The following DENND1A variants were observed in gnomAD, a reference collection of about 807,000 sequenced individuals.
DENND1A encodes DENN domain-containing protein 1A.
In DENND1A, 51 loss-of-function variants were observed where a neutral mutation model predicts 113.7. That is an observed-to-expected ratio of 0.45 (90% CI 0.36 to 0.57). The LOEUF is 0.57. DENND1A is among the 20% of genes least tolerant of loss of function. DENND1A has a pLI of 0.00. For missense variants in DENND1A, 1,258 were observed against 1,395.9 expected, an observed-to-expected ratio of 0.90 and a Z score of 1.57; for synonymous variants, 565 against 570.8, an observed-to-expected ratio of 0.99 and a Z score of 0.14.
At chr9:123,782,756 C>G (rs529479409) in intron 3 of DENND1A, among the ~76,000 whole-genome samples, 2 of 152,330 alleles carry the variant, frequency 1.3e-5, no homozygotes, top group Admixed American at 6.5e-5. Context: ...GATAAAAGCA[C>G]TGTGAAACAA....
chr9:123,739,012 G>A (rs966582594), intron 5 of DENND1A, among the ~76,000 whole-genome samples: 3 of 152,120 alleles, frequency 2.0e-5, no homozygotes, highest in Non-Finnish European at 2.9e-5. Context: ...AAAACCTTTC[G>A]TGTGGCTTTT....
At chr9:123,748,243 C>T (rs1473705051) in intron 5 of DENND1A, among the ~76,000 whole-genome samples, 2 of 152,186 alleles carry the variant, frequency 1.3e-5, no homozygotes, top group African/African-American at 4.8e-5. Flanking sequence ...ACAGCACCAT[C>T]CCAATTCAGG....
chr9:123,414,911 A>AT (rs1325269242), intron 19 of DENND1A, among the ~76,000 whole-genome samples: 1 of 152,200 alleles, frequency 6.6e-6, no homozygotes, highest in African/African-American at 2.4e-5. Flanking sequence ...TTGATACCTA[A>AT]TAGGTGCTCA....
In DENND1A at chr9:123,638,833, C is replaced by A. The variant is rs78774425; in HGVS notation, c.619-8357G>T. Among the ~76,000 whole-genome samples the A allele has an allele frequency of 3.2e-3, 491 of 151,732 alleles. 4 individuals carry two copies. Among genetic ancestry groups the A allele is most frequent in the African/African-American group, 0.011 (473 of 41,372 alleles). ...ATCGATTTGCCACCTCAAATCTAGT[C>A]TAAGTGGATATTTCTATTTCTTTGA... is the stretch of plus-strand genomic sequence containing the variant. On this transcript the variant is annotated intron_variant, in intron 9 of 23. Transcript: ENST00000394215.
chr9:123,838,506 G>A (rs1369499922), intron 2 of DENND1A, among the ~76,000 whole-genome samples: 1 of 152,098 alleles, frequency 6.6e-6, no homozygotes, highest in Non-Finnish European at 1.5e-5. Flanking sequence ...TGCAGAATCT[G>A]CTAGTGCTTT....
intron 12 of DENND1A, among the ~76,000 whole-genome samples, chr9:123,580,565 C>A (rs757596968): frequency 4.6e-5 from 7 of 152,218 alleles, no homozygotes; most frequent in Non-Finnish European, 8.8e-5. Context: ...TCATGCTGCC[C>A]CAGGGCCCTT....
chr9:123,408,368 C>A (rs892871419), intron 20 of DENND1A, among the ~76,000 whole-genome samples: 3 of 152,166 alleles, frequency 2.0e-5, no homozygotes, highest in African/African-American at 7.2e-5. Context: ...TCTATGACTC[C>A]CAAATTGGCC....
At chr9:123,667,129 T>A in intron 7 of DENND1A, 50 bp from the exon 8 acceptor site, 1 of 1,525,728 alleles carries the variant, frequency 6.6e-7, no homozygotes, top group Non-Finnish European at 8.9e-7. Flanking sequence ...TGTGTAACAA[T>A]TGCATTACTC....
intron 7 of DENND1A, among the ~76,000 whole-genome samples, chr9:123,669,443 C>G (rs1172092282): frequency 6.6e-6 from 1 of 152,170 alleles, no homozygotes; most frequent in Non-Finnish European, 1.5e-5. Context: ...ATGCTGGGGA[C>G]CAGGGGAGGT....
intron 5 of DENND1A, among the ~76,000 whole-genome samples, chr9:123,719,266 A>T (rs1271100910): frequency 6.6e-6 from 1 of 152,214 alleles, no homozygotes; most frequent in Non-Finnish European, 1.5e-5. Flanking sequence ...CTCCCATTTG[A>T]TAAGCTAAGG....
At chr9:123,440,535 C>A in intron 18 of DENND1A, 44 bp from the exon 19 acceptor site, 3 of 1,516,864 alleles carry the variant, frequency 2.0e-6, no homozygotes, top group Non-Finnish European at 2.6e-6. Context: ...GGGGTTCTGG[C>A]ACCCATGTTC....
intron 13 of DENND1A, among the ~76,000 whole-genome samples, chr9:123,530,267 T>C (rs368886063): frequency 6.6e-6 from 1 of 151,992 alleles, no homozygotes; most frequent in East Asian, 1.9e-4. Flanking sequence ...CAGGGTAAAA[T>C]CACAGAATAT....
chr9:123,606,936 G>A (rs2060180121), intron 11 of DENND1A, among the ~76,000 whole-genome samples: 1 of 152,228 alleles, frequency 6.6e-6, no homozygotes, highest in Admixed American at 6.5e-5. Context: ...GAAGGGCAGG[G>A]CTGATGCATG....
At chr9:123,822,071 T>A (rs1158979344) in intron 2 of DENND1A, among the ~76,000 whole-genome samples, 2 of 152,240 alleles carry the variant, frequency 1.3e-5, no homozygotes, top group Non-Finnish European at 2.9e-5. Context: ...TATTATTGTC[T>A]TAATCCTTAG....
intron 11 of DENND1A, among the ~76,000 whole-genome samples, chr9:123,608,819 T>C (rs1471289233): frequency 1.3e-5 from 2 of 152,178 alleles, no homozygotes; most frequent in Non-Finnish European, 2.9e-5. Flanking sequence ...TATATCCAAA[T>C]AGTGGGAATG....
At chr9:123,569,993 T>C (rs1462709626) in intron 12 of DENND1A, among the ~76,000 whole-genome samples, 1 of 152,158 alleles carries the variant, frequency 6.6e-6, no homozygotes, top group Non-Finnish European at 1.5e-5. Flanking sequence ...TCCTGTCTAT[T>C]TGGGTCTCAT....
intron 2 of DENND1A, among the ~76,000 whole-genome samples, chr9:123,814,726 AC>A (rs1363622470): frequency 1.3e-5 from 2 of 152,204 alleles, no homozygotes; most frequent in African/African-American, 4.8e-5. Context: ...TGCTAAAAAA[AC>A]ATTACTCTCC....
chr9:123,721,521 T>A (rs968838139), intron 5 of DENND1A, among the ~76,000 whole-genome samples: 1 of 152,238 alleles, frequency 6.6e-6, no homozygotes, highest in Non-Finnish European at 1.5e-5. Flanking sequence ...AGCTACCTCA[T>A]GATATGGTTT....
chr9:123,813,044 G>C (rs1220723069), intron 2 of DENND1A, among the ~76,000 whole-genome samples: 1 of 152,140 alleles, frequency 6.6e-6, no homozygotes, highest in African/African-American at 2.4e-5. Flanking sequence ...TTGACCTCCA[G>C]ACTCAAGGGA....
Sources: allele counts gnomAD v4.1 joint callset (sites outside exome capture counted in the v4.1 genomes callset), GRCh38; gene constraint gnomAD v4.1.1; transcripts MANE v1.5; gene names NCBI Gene and HGNC (gene_info 2026-07-23, HGNC 2026-07-21).